PEX3: variants seen among roughly 807,000 people sequenced by gnomAD.
The protein encoded by PEX3 is peroxisomal biogenesis factor 3, also known as peroxin-3.
In PEX3, 30 loss-of-function variants were observed where a neutral mutation model predicts 55.8. The ratio of observed to expected loss-of-function variants is 0.54; its 90% CI spans 0.40 to 0.73. The LOEUF (loss-of-function observed/expected upper bound fraction) is 0.73. Ranked by LOEUF, PEX3 falls within the 30% of genes least tolerant of loss-of-function variation. PEX3 has a pLI of 0.00. For synonymous variants in PEX3, 135 were observed against 148.4 expected, an observed-to-expected ratio of 0.91 and a Z score of 0.66; for missense variants, 351 against 432.8, an observed-to-expected ratio of 0.81 and a Z score of 1.68.
chr6:143,474,743 G>T lies in PEX3; in HGVS notation c.748-43G>T, dbSNP rs751068956. Reference sequence around the variant, plus strand: ...GTGATTAGTTTCATCATAACCCTGTGCTAATGTTTGAAAACCTTAAGTGTG... The same window carrying T: ...GTGATTAGTTTCATCATAACCCTGTTCTAATGTTTGAAAACCTTAAGTGTG... On this transcript the variant is annotated intron_variant, in intron 8 of 11. Transcript: ENST00000367591. 8.4e-6 allele frequency: 8 copies of T among 950,126 alleles called. No homozygotes were observed. The Admixed American group carries it at 1.2e-4, about 14-fold the overall frequency. 58.9% of individuals were successfully genotyped at this position (950,126 alleles called of 1,614,324 possible). A position where few individuals can be genotyped will look rare whatever the true frequency, so the allele number is the denominator to read the frequency against.
rs1278077492 is a variant in PEX3, at chr6:143,475,657, C to CAAACA, written c.818+815_818+819dup. ...CAACAGAGTAAGATCCTGTCTCAAACAAACAAAACAAAACAAAAAAGGCCA... is the reference window on the plus strand; with the variant it reads ...CAACAGAGTAAGATCCTGTCTCAAACAAACAAAACAAAACAAAACAAAAAAGGCCA... On this transcript the variant is annotated intron_variant, in intron 9 of 11. Coordinates refer to ENST00000367591, the MANE Select transcript of PEX3 (RefSeq NM_003630.3). The surrounding 1 kb of genome is among the most constrained non-coding windows in gnomAD (Gnocchi z 4.4). Among the ~76,000 whole-genome samples the CAAACA allele has an allele frequency of 1.3e-5, 2 of 152,066 alleles. No individual in the cohort carries two copies. The highest frequency in any genetic ancestry group is 2.9e-5 in the Non-Finnish European group (2 of 67,984).
chr6:143,460,864 C>CAAAAA (rs57329535), intron 2 of PEX3, among the ~76,000 whole-genome samples: 2 of 76,180 alleles, frequency 2.6e-5, no homozygotes, highest in Non-Finnish European at 5.8e-5. Flanking sequence ...AACTCTGTCT[C>CAAAAA]AAAAAAAAAA....
chr6:143,456,024 C>T (rs1192548784), intron 1 of PEX3, among the ~76,000 whole-genome samples: 1 of 152,106 alleles, frequency 6.6e-6, no homozygotes, highest in African/African-American at 2.4e-5. Context: ...GTCTTATTTT[C>T]TAGTAATGTT....
chr6:143,487,119 CAT>C lies in PEX3; in HGVS notation c.1038+1873_1038+1874del, dbSNP rs1348162925. 6.6e-6 allele frequency among the ~76,000 whole-genome samples: 1 copy of C among 152,122 alleles called. No homozygotes were observed. Among genetic ancestry groups the C allele is most frequent in the Non-Finnish European group, 1.5e-5 (1 of 68,008 alleles). ...TTATTTTCAAATAGCTTTCAAATAACATAAGCAGGAGATAAATTATTTCAGAT... is the reference window on the plus strand; with the variant it reads ...TTATTTTCAAATAGCTTTCAAATAACAAGCAGGAGATAAATTATTTCAGAT... On this transcript the variant is annotated intron_variant, in intron 11 of 11. Transcript: ENST00000367591. This position sits in a 1 kb window ranked among gnomAD's most constrained non-coding sequence, Gnocchi z 5.3.
At position 143,465,848 on chromosome 6, in the gene PEX3, G is replaced by A. The variant is rs182601538; in HGVS notation, c.288-2274G>A. ...ATTGGCAAAGAAAGACAAGAAGCTA[G>A]TAGTATCTTTAAAATTGTAATAGTA... On this transcript the variant is annotated intron_variant, in intron 3 of 11. Transcript: ENST00000367591. The surrounding 1 kb of genome is among the most constrained non-coding windows in gnomAD (Gnocchi z 4.7). Among the ~76,000 whole-genome samples, 10 of 152,162 alleles carry A rather than the reference G, an allele frequency of 6.6e-5. No individual in the cohort carries two copies. Among genetic ancestry groups the A allele is most frequent in the Non-Finnish European group, 1.2e-4 (8 of 67,914 alleles).
At chr6:143,456,517 C>T (rs1337464810) in intron 1 of PEX3, among the ~76,000 whole-genome samples, 1 of 152,162 alleles carries the variant, frequency 6.6e-6, no homozygotes, top group East Asian at 1.9e-4. Flanking sequence ...ATCTTACAAT[C>T]CTGAAATTTA....
At chr6:143,484,206 A>C (rs1780283049) in intron 10 of PEX3, among the ~76,000 whole-genome samples, 1 of 152,196 alleles carries the variant, frequency 6.6e-6, no homozygotes, top group Non-Finnish European at 1.5e-5. Context: ...CATCACATAC[A>C]TACAGTGATA....
At position 143,483,146 on chromosome 6, in the gene PEX3, A is replaced by G. The variant is rs150789365; in HGVS notation, c.942-2006A>G. On this transcript the variant is annotated intron_variant, in intron 10 of 11. Coordinates refer to ENST00000367591, the MANE Select transcript of PEX3 (RefSeq NM_003630.3). The surrounding 1 kb of genome is among the most constrained non-coding windows in gnomAD (Gnocchi z 4.3). ...TTTTCTTTCTTAGAAAATGTGCATCAAAGACACAGATAATTCACAAAAGAG... is the reference window on the plus strand; with the variant it reads ...TTTTCTTTCTTAGAAAATGTGCATCGAAGACACAGATAATTCACAAAAGAG... Among the ~76,000 whole-genome samples the G allele has an allele frequency of 0.016, 2,434 of 152,232 alleles. 106 individuals carry two copies. Among genetic ancestry groups the G allele is most frequent in the Admixed American group, 0.098 (1,491 of 15,268 alleles).
In PEX3 at chr6:143,486,970, G is replaced by A. The variant is rs182332828; in HGVS notation, c.1038+1722G>A. ...CAAAACTTTATATACAAAAACAGGC[G>A]GCAGTGGATTTGGCCTGCAGGCCAT... On this transcript the variant is annotated intron_variant, in intron 11 of 11. Coordinates refer to ENST00000367591, the MANE Select transcript of PEX3 (RefSeq NM_003630.3). This position sits in a 1 kb window ranked among gnomAD's most constrained non-coding sequence, Gnocchi z 5.0. Among the ~76,000 whole-genome samples the A allele has an allele frequency of 4.7e-4, 71 of 152,296 alleles. 1 individual carries two copies. The East Asian group carries it at 0.012, about 26-fold the overall frequency.
chr6:143,479,704 T>A lies in PEX3; in HGVS notation c.941+506T>A, dbSNP rs17072671. 0.017 allele frequency among the ~76,000 whole-genome samples: 2,527 copies of A among 152,210 alleles called. 68 individuals carry two copies. Among genetic ancestry groups the A allele is most frequent in the African/African-American group, 0.058 (2,422 of 41,566 alleles). ...TTATTACAGAATTAGGAACATGTAT[T>A]AGTGCAATTGTTAGTGATTTTAATC... is the stretch of plus-strand genomic sequence containing the variant. On this transcript the variant is annotated intron_variant, in intron 10 of 11. Transcript: ENST00000367591. This position sits in a 1 kb window ranked among gnomAD's most constrained non-coding sequence, Gnocchi z 4.6.
At position 143,486,469 on chromosome 6, in the gene PEX3, G is replaced by C. The variant is rs1258174537; in HGVS notation, c.1038+1221G>C. 6.6e-6 allele frequency among the ~76,000 whole-genome samples: 1 copy of C among 152,020 alleles called. No individual in the cohort carries two copies. The highest frequency in any genetic ancestry group is 2.4e-5 in the African/African-American group (1 of 41,402). On this transcript the variant is annotated intron_variant, in intron 11 of 11. Coordinates refer to ENST00000367591, the MANE Select transcript of PEX3 (RefSeq NM_003630.3). The surrounding 1 kb of genome is among the most constrained non-coding windows in gnomAD (Gnocchi z 5.0). ...GATATAATTGATAATAAAAACAAAT[G>C]TTTCAATATGGTAAAAACGCCATTG...
chr6:143,478,611 CA>C (rs1392622165), intron 9 of PEX3, among the ~76,000 whole-genome samples: 1 of 151,918 alleles, frequency 6.6e-6, no homozygotes, highest in Admixed American at 6.6e-5. Context: ...TAATTAAGAT[CA>C]AAAAACCCCG....
In PEX3 at chr6:143,475,069, G is replaced by A. The variant is rs929223692; in HGVS notation, c.818+213G>A. Among the ~76,000 whole-genome samples the A allele has an allele frequency of 1.3e-5, 2 of 152,128 alleles. No homozygotes were observed. Among genetic ancestry groups the A allele is most frequent in the Non-Finnish European group, 2.9e-5 (2 of 68,030 alleles). The stretch of plus-strand genomic sequence containing the variant: ...AACTCAGCTACTAACTCTACTATCT[G>A]AATTCATCGAGTTCCAGTCTTTTGT... On this transcript the variant is annotated intron_variant, in intron 9 of 11. Transcript: ENST00000367591. This position sits in a 1 kb window ranked among gnomAD's most constrained non-coding sequence, Gnocchi z 4.4.
intron 8 of PEX3, among the ~76,000 whole-genome samples, chr6:143,473,818 G>A (rs937965465): frequency 1.3e-5 from 2 of 152,018 alleles, no homozygotes; most frequent in African/African-American, 4.8e-5. Flanking sequence ...TCCGTGGTGT[G>A]CTATGGTTGC....
rs200781316 is a variant in PEX3, at chr6:143,462,930, C to G, written c.220C>G (p.Pro74Ala). 6 of 1,613,058 alleles carry G rather than the reference C, an allele frequency of 3.7e-6. No homozygotes were observed. The Admixed American group carries it at 1.0e-4, about 27-fold the overall frequency. ...TCNMTVLSML[P>A]TLREALMQQL... ...TTGTATTACAGTGCTGTCCATGCTT[C>G]CAACACTGAGAGAGGCCTTAATGCA... Residue 74 changes from proline (P) to alanine (A), a missense_variant, in exon 3 of 12, where the codon CCA becomes GCA. By Grantham distance (27) the Pro-to-Ala change is conservative (BLOSUM62 -1). Coordinates refer to ENST00000367591, the MANE Select transcript of PEX3 (RefSeq NM_003630.3). This position sits in a 1 kb window ranked among gnomAD's most constrained non-coding sequence, Gnocchi z 4.1.
chr6:143,459,358 A>C lies in PEX3; in HGVS notation c.205+142A>C. 1 of 726,800 alleles carries C rather than the reference A, an allele frequency of 1.4e-6. No individual in the cohort carries two copies. Among genetic ancestry groups the C allele is most frequent in the South Asian group, 1.6e-5 (1 of 61,962 alleles). 45.0% of individuals were successfully genotyped at this position (726,800 alleles called of 1,614,324 possible). ...TGTTTGAATGATTTAACTGAATTAC[A>C]TCATTTTAATGTGAATTTTAAAAAT... On this transcript the variant is annotated intron_variant, in intron 2 of 11. Transcript: ENST00000367591. This position sits in a 1 kb window ranked among gnomAD's most constrained non-coding sequence, Gnocchi z 4.2.
chr6:143,470,404 A>G (rs547150746), intron 4 of PEX3, among the ~76,000 whole-genome samples: 8 of 152,290 alleles, frequency 5.3e-5, no homozygotes, highest in Admixed American at 1.3e-4. Context: ...CTTCTGTGTT[A>G]CCAGATCTGC....
chr6:143,480,871 G>C lies in PEX3; in HGVS notation c.941+1673G>C, dbSNP rs1179079563. Among the ~76,000 whole-genome samples, 3 of 152,086 alleles carry C rather than the reference G, an allele frequency of 2.0e-5. No individual in the cohort carries two copies. The South Asian group carries it at 6.2e-4, about 32-fold the overall frequency. On this transcript the variant is annotated intron_variant, in intron 10 of 11. Coordinates refer to ENST00000367591, the MANE Select transcript of PEX3 (RefSeq NM_003630.3). ...CTACAACAAATACAAAAATTAGCTGGGCATGCGGCACATGCCTGTAGTCCC... is the reference window on the plus strand; with the variant it reads ...CTACAACAAATACAAAAATTAGCTGCGCATGCGGCACATGCCTGTAGTCCC...
chr6:143,486,782 TG>T lies in PEX3; in HGVS notation c.1038+1537del, dbSNP rs1185826928. Among the ~76,000 whole-genome samples the T allele has an allele frequency of 2.0e-5, 3 of 152,132 alleles. No homozygotes were observed. The highest frequency in any genetic ancestry group is 7.2e-5 in the African/African-American group (3 of 41,430). On this transcript the variant is annotated intron_variant, in intron 11 of 11. Transcript: ENST00000367591. This position sits in a 1 kb window ranked among gnomAD's most constrained non-coding sequence, Gnocchi z 5.0. ...CAATGGTGTGTAGGAGAGCCTATGG[TG>T]GGAATGCTGTAGAACAGGGGTTTGG... is the stretch of plus-strand genomic sequence containing the variant.
Sources: allele counts gnomAD v4.1 joint callset (sites outside exome capture counted in the v4.1 genomes callset), GRCh38; gene constraint gnomAD v4.1.1; non-coding constraint Gnocchi (gnomAD v3.1); transcripts MANE v1.5; gene names NCBI Gene and HGNC (gene_info 2026-07-23, HGNC 2026-07-21).